Variants in MTBP observed in about 807,000 individuals in gnomAD.
MTBP encodes the protein mdm2-binding protein.
MTBP carries 101 observed loss-of-function variants against 117.0 expected under a neutral mutation model. The ratio of observed to expected loss-of-function variants is 0.86; its 90% CI spans 0.73 to 1.02. MTBP has a LOEUF of 1.02. MTBP is among the 50% of genes least tolerant of loss of function. MTBP has a pLI of 0.00. For missense variants in MTBP, 970 were observed against 1,030.9 expected (o/e 0.94, Z 0.81); for synonymous variants, 350 against 351.5 (o/e 1.00, Z 0.05).
chr8:120,456,685 C>A lies in MTBP; in HGVS notation c.747+15C>A. The A allele has an allele frequency of 7.3e-7, 1 of 1,378,474 alleles. No homozygotes were observed. Among genetic ancestry groups the A allele is most frequent in the Non-Finnish European group, 1.0e-6 (1 of 978,336 alleles). The allele number at this position is 1,378,474 out of a possible 1,614,324, so 85.4% of individuals were successfully genotyped here. ...GGGAAAGAAAGGTAAATGGATTATT[C>A]ACAGTTTGCCAAGTAGGCCTTTCAA... On this transcript the variant is annotated intron_variant, in intron 7 of 21. Transcript: ENST00000305949.
chr8:120,489,238 C>A (rs1814289771), intron 12 of MTBP, among the ~76,000 whole-genome samples: 1 of 151,990 alleles, frequency 6.6e-6, no homozygotes, highest in Non-Finnish European at 1.5e-5. Context: ...AGGGTTTCAC[C>A]ATGTTGGACA....
At chr8:120,446,325 C>T in intron 1 of MTBP, 108 bp from the exon 2 acceptor site, 1 of 710,324 alleles carries the variant, frequency 1.4e-6, no homozygotes, top group East Asian at 2.5e-5. Flanking sequence ...GCGTTTAGTA[C>T]TTTTATGTAC....
intron 2 of MTBP, among the ~76,000 whole-genome samples, chr8:120,448,780 A>G (rs1813277727): frequency 6.6e-6 from 1 of 152,354 alleles, no homozygotes; most frequent in East Asian, 1.9e-4. Context: ...GAATTTGTGC[A>G]TATCAGAACC....
At chr8:120,455,900 T>C (rs1813459338) in intron 6 of MTBP, among the ~76,000 whole-genome samples, 1 of 152,154 alleles carries the variant, frequency 6.6e-6, no homozygotes, top group East Asian at 1.9e-4. Context: ...TTTGGTTTTC[T>C]GTTATGTGCC....
chr8:120,446,633 T>A, intron 2 of MTBP, 120 bp downstream of exon 2: 1 of 644,704 alleles, frequency 1.6e-6, no homozygotes, highest in East Asian at 2.5e-5. Flanking sequence ...GGCACTGAGT[T>A]ACAGAGATAA....
chr8:120,484,631 TA>T (rs1003596665), intron 11 of MTBP, among the ~76,000 whole-genome samples: 1 of 152,208 alleles, frequency 6.6e-6, no homozygotes, highest in Admixed American at 6.5e-5. Context: ...AGATAATTTT[TA>T]AAAATACAGT....
rs888408209 is a variant in MTBP at position 120,518,098 on chromosome 8, C to T, written c.2494C>T (p.Arg832Trp). The change falls in exon 19 of 22, where the codon CGG becomes TGG. Residue 832 changes from arginine (R) to tryptophan (W), a missense_variant and splice_region_variant. Coordinates refer to ENST00000305949, the MANE Select transcript of MTBP (RefSeq NM_022045.5). ...IKESRSQKHT[R>W]ILKEVVTETL... is the part of the protein sequence containing the mutation. ...GGAATCAAGATCACAGAAACACACACGGGTAAAGATTTATTTCCCATTTTT... is the reference window on the plus strand; with the variant it reads ...GGAATCAAGATCACAGAAACACACATGGGTAAAGATTTATTTCCCATTTTT... 4.2e-5 allele frequency: 67 copies of T among 1,611,124 alleles called. No homozygotes were observed. Among genetic ancestry groups the T allele is most frequent in the East Asian group, 2.5e-4 (11 of 44,788 alleles).
intron 12 of MTBP, among the ~76,000 whole-genome samples, chr8:120,488,648 C>T (rs571835327): frequency 3.3e-5 from 5 of 152,128 alleles, no homozygotes; most frequent in South Asian, 2.1e-4. Flanking sequence ...TCATTTATAT[C>T]GTCTGAAGCC....
chr8:120,460,842 A>G (rs1586942226), intron 8 of MTBP, among the ~76,000 whole-genome samples: 1 of 151,902 alleles, frequency 6.6e-6, no homozygotes, highest in African/African-American at 2.4e-5. Context: ...CTATTGTATC[A>G]CCTGTCTGTC....
At position 120,456,594 on chromosome 8, in the gene MTBP, TATCTTTA is replaced by T. The variant is rs769080109; in HGVS notation, c.672_678del (p.Ser225LysfsTer35). ...GCAGAATACCTTTCTGCTAATGTTG[TATCTTTA>T]GAAGATCTCAGAAATGTTATTGACT... On this transcript the variant is annotated frameshift_variant, in exon 7 of 22. Coordinates refer to ENST00000305949, the MANE Select transcript of MTBP (RefSeq NM_022045.5). LOFTEE classifies it high-confidence loss of function. The T allele has an allele frequency of 6.3e-7, 1 of 1,598,508 alleles. No homozygotes were observed. Among genetic ancestry groups the T allele is most frequent in the Non-Finnish European group, 8.5e-7 (1 of 1,169,970 alleles).
At chr8:120,502,433 A>C (rs1451257235) in intron 14 of MTBP, 59 bp from the exon 15 acceptor site, 1 of 1,190,604 alleles carries the variant, frequency 8.4e-7, no homozygotes, top group African/African-American at 1.5e-5. Context: ...ACACATTTTT[A>C]TTAGCAAAAT....
At chr8:120,446,282 T>A in intron 1 of MTBP, 151 bp from the exon 2 acceptor site, 1 of 599,628 alleles carries the variant, frequency 1.7e-6, no homozygotes, top group Non-Finnish European at 3.0e-6. Context: ...TGCTTTAGAT[T>A]TTCTGTATCA....
At chr8:120,491,625 G>A (rs907861651) in intron 13 of MTBP, among the ~76,000 whole-genome samples, 15 of 152,136 alleles carry the variant, frequency 9.9e-5, no homozygotes, top group Admixed American at 5.2e-4. Flanking sequence ...GTTATAAAAT[G>A]TTTATTTCAG....
At chr8:120,473,573 G>A (rs914730560) in intron 11 of MTBP, 12 of 152,114 alleles carry the variant, frequency 7.9e-5, no homozygotes, top group African/African-American at 2.4e-4. Context: ...AAGGCAAAAT[G>A]GAAGGTACTT....
At chr8:120,457,194 G>A (rs1456666778) in intron 7 of MTBP, among the ~76,000 whole-genome samples, 2 of 152,226 alleles carry the variant, frequency 1.3e-5, no homozygotes, top group Non-Finnish European at 2.9e-5. Flanking sequence ...ATTATAAGAT[G>A]AGAATGTTGT....
Position 120,518,053 on chromosome 8 carries a change from A to C in MTBP, c.2449A>C (p.Lys817Gln), listed in dbSNP as rs757183208. 6.2e-7 allele frequency: 1 copy of C among 1,612,800 alleles called. No homozygotes were observed. Among genetic ancestry groups the C allele is most frequent in the Admixed American group, 1.7e-5 (1 of 59,898 alleles). ...SSGQKSMHES[K>Q]TSRQIKESRS... is the part of the protein sequence containing the mutation. ...AGGTCAAAAAAGTATGCATGAATCA[A>C]AAACATCAAGGCAAATTAAGGAATC... is the stretch of plus-strand genomic sequence containing the variant. Residue 817 changes from lysine to glutamine, a missense_variant, in exon 19 of 22, where the codon AAA (lysine) becomes CAA (glutamine). By Grantham distance (53) the Lys-to-Gln change is moderately conservative. Transcript: ENST00000305949.
chr8:120,454,020 A>T, intron 5 of MTBP, 115 bp downstream of exon 5: 1 of 535,724 alleles, frequency 1.9e-6, no homozygotes, highest in Non-Finnish European at 3.2e-6. Context: ...AAATTAAAAA[A>T]TGCAAAACAA....
At chr8:120,504,366 G>T (rs1039441109) in intron 15 of MTBP, among the ~76,000 whole-genome samples, 16 of 152,058 alleles carry the variant, frequency 1.1e-4, no homozygotes, top group African/African-American at 3.9e-4. Context: ...GCTATTTGCA[G>T]TATACAAGTC....
chr8:120,468,117 T>G (rs1586946458), intron 10 of MTBP, among the ~76,000 whole-genome samples: 1 of 152,164 alleles, frequency 6.6e-6, no homozygotes, highest in South Asian at 2.1e-4. Flanking sequence ...ATTAGATATA[T>G]TTTTTATATT....
Sources: gnomAD v4.1 joint callset for allele counts (sites outside exome capture counted in the v4.1 genomes callset) on GRCh38, gnomAD v4.1.1 for gene constraint, MANE v1.5 for transcripts, NCBI Gene and HGNC (gene_info 2026-07-23, HGNC 2026-07-21) for gene names.